NALF1: variants seen among roughly 807,000 people sequenced by gnomAD.
NALF1 encodes family with sequence similarity 155 member A.
Under a neutral mutation model 48.4 loss-of-function variants are expected in NALF1, and 3 were observed. The observed-to-expected ratio is 0.06, with a 90% CI of 0.03 to 0.16. NALF1 has a LOEUF of 0.16. Among genes scored for constraint, NALF1 ranks in the 10% least tolerant of loss-of-function variants. NALF1 has a pLI of 1.00. For missense variants in NALF1, 526 were observed against 571.5 expected, an observed-to-expected ratio of 0.92 and a Z score of 0.81; for synonymous variants, 262 against 245.7, an observed-to-expected ratio of 1.07 and a Z score of -0.62.
intron 1 of NALF1, among the ~76,000 whole-genome samples, chr13:107,533,115 G>A (rs114195541): frequency 0.018 from 2,758 of 152,062 alleles, 78 homozygotes; most frequent in African/African-American, 0.062. Context: ...ATATCCCCAC[G>A]AAAAGAGAGT....
intron 1 of NALF1, among the ~76,000 whole-genome samples, chr13:107,760,586 G>T (rs1160538052): frequency 6.6e-6 from 1 of 152,138 alleles, no homozygotes; most frequent in African/African-American, 2.4e-5. Context: ...AAGTCACTGA[G>T]GCTCTTTGTA....
At chr13:107,801,294 T>C (rs896206908) in intron 1 of NALF1, among the ~76,000 whole-genome samples, 2 of 152,194 alleles carry the variant, frequency 1.3e-5, no homozygotes, top group African/African-American at 2.4e-5. Context: ...GAGGTACCCA[T>C]GCATAGAAAG....
intron 2 of NALF1, among the ~76,000 whole-genome samples, chr13:107,190,225 G>A (rs61223010): frequency 0.17 from 26,089 of 152,034 alleles, 2,858 homozygotes; most frequent in African/African-American, 0.31. Flanking sequence ...CAACCCATAG[G>A]TTGTAATTGA....
At chr13:107,215,255 T>C (rs1010777633) in intron 1 of NALF1, among the ~76,000 whole-genome samples, 1 of 152,214 alleles carries the variant, frequency 6.6e-6, no homozygotes, top group Non-Finnish European at 1.5e-5. Context: ...ATATCCTTTT[T>C]CTTTTTTTCT....
At chr13:107,588,818 A>G (rs1419371428) in intron 1 of NALF1, among the ~76,000 whole-genome samples, 2 of 152,034 alleles carry the variant, frequency 1.3e-5, no homozygotes, top group Non-Finnish European at 2.9e-5. Context: ...AATGCGGGGG[A>G]AAAAAGAAAG....
rs532765845 is a variant in NALF1 at position 107,181,450 on chromosome 13, T to C, written c.1088-10664A>G. ...TAATTGTATTTTATATTATCTTTTG[T>C]ACTTAAATTACTTGAGTGCTTTTTT... On this transcript the variant is annotated intron_variant, in intron 2 of 2. Coordinates refer to ENST00000375915, the MANE Select transcript of NALF1 (RefSeq NM_001080396.3). Among the ~76,000 whole-genome samples the C allele has an allele frequency of 4.5e-4, 69 of 151,926 alleles. 1 individual carries two copies. The South Asian group carries it at 0.014, about 32-fold the overall frequency.
intron 1 of NALF1, among the ~76,000 whole-genome samples, chr13:107,396,040 A>T (rs1464996621): frequency 2.6e-5 from 4 of 152,140 alleles, no homozygotes; most frequent in Non-Finnish European, 5.9e-5. Context: ...ATTTTCTCAC[A>T]GTTCTGAAGA....
intron 1 of NALF1, among the ~76,000 whole-genome samples, chr13:107,392,666 T>G (rs992420949): frequency 6.6e-6 from 1 of 150,542 alleles, no homozygotes; most frequent in Non-Finnish European, 1.5e-5. Context: ...TATCAAAGAT[T>G]CTTTCTCCAA....
At chr13:107,275,874 C>T (rs1416654132) in intron 1 of NALF1, among the ~76,000 whole-genome samples, 1 of 152,118 alleles carries the variant, frequency 6.6e-6, no homozygotes, top group African/African-American at 2.4e-5. Flanking sequence ...TTAGACCTGA[C>T]TGGGGCTGAA....
intron 1 of NALF1, among the ~76,000 whole-genome samples, chr13:107,364,608 G>A (rs911152651): frequency 6.6e-6 from 1 of 152,154 alleles, no homozygotes; most frequent in Admixed American, 6.5e-5. Context: ...CTGCCATAGA[G>A]TACCGACCCA....
intron 1 of NALF1, among the ~76,000 whole-genome samples, chr13:107,683,098 CA>C (rs1881345241): frequency 6.6e-6 from 1 of 151,926 alleles, no homozygotes; most frequent in Admixed American, 6.6e-5. Context: ...CCTGTCTCTA[CA>C]AAAAAATTCA....
At chr13:107,743,464 G>A (rs1876695990) in intron 1 of NALF1, among the ~76,000 whole-genome samples, 1 of 152,168 alleles carries the variant, frequency 6.6e-6, no homozygotes, top group South Asian at 2.1e-4. Context: ...GTAATAAAGG[G>A]AATAAGAATG....
chr13:107,538,348 T>TC (rs911366924), intron 1 of NALF1, among the ~76,000 whole-genome samples: 2 of 152,066 alleles, frequency 1.3e-5, no homozygotes, highest in Admixed American at 6.6e-5. Flanking sequence ...TTCTTTTGAA[T>TC]CCCCCCTTAC....
intron 1 of NALF1, among the ~76,000 whole-genome samples, chr13:107,450,896 C>T (rs1047472784): frequency 1.3e-5 from 2 of 152,108 alleles, no homozygotes; most frequent in Admixed American, 6.5e-5. Flanking sequence ...CCTCAAATGA[C>T]GAGTTAAATT....
chr13:107,397,628 T>C (rs9583172), intron 1 of NALF1, among the ~76,000 whole-genome samples: 95,293 of 151,776 alleles, frequency 0.63, 29,972 homozygotes, highest in African/African-American at 0.66. Flanking sequence ...AAAATGTGGC[T>C]TCCTACATTT....
chr13:107,833,819 T>C (rs1566500089), intron 1 of NALF1, among the ~76,000 whole-genome samples: 1 of 152,192 alleles, frequency 6.6e-6, no homozygotes, highest in Admixed American at 6.5e-5. Flanking sequence ...CTAATAATAG[T>C]ATTTTAATTT....
chr13:107,298,480 A>G (rs1881770841), intron 1 of NALF1, among the ~76,000 whole-genome samples: 1 of 151,344 alleles, frequency 6.6e-6, no homozygotes, highest in Admixed American at 6.6e-5. Flanking sequence ...TCGCCAGGCT[A>G]GAGTGCACTG....
At chr13:107,344,819 G>T (rs1156913609) in intron 1 of NALF1, among the ~76,000 whole-genome samples, 1 of 151,992 alleles carries the variant, frequency 6.6e-6, no homozygotes, top group African/African-American at 2.4e-5. Flanking sequence ...GCATTGGAAG[G>T]CCTACCAAGA....
At chr13:107,779,749 C>T (rs919988514) in intron 1 of NALF1, among the ~76,000 whole-genome samples, 59 of 152,252 alleles carry the variant, frequency 3.9e-4, no homozygotes, top group African/African-American at 1.2e-3. Flanking sequence ...CCATTGAATC[C>T]CTTCTTTTAC....
Sources: gnomAD v4.1 joint callset for allele counts (sites outside exome capture counted in the v4.1 genomes callset) on GRCh38, gnomAD v4.1.1 for gene constraint, MANE v1.5 for transcripts, NCBI Gene and HGNC (gene_info 2026-07-23, HGNC 2026-07-21) for gene names.